Variants in EXOC4 observed in about 807,000 individuals in gnomAD.
EXOC4 encodes exocyst complex component 4, also known as SEC8-like 1.
In EXOC4, 71 loss-of-function variants were observed where a neutral mutation model predicts 107.2. That is an observed-to-expected ratio of 0.66 (90% CI 0.55 to 0.81). EXOC4 has a LOEUF of 0.81. Ranked by LOEUF, EXOC4 falls within the 30% of genes least tolerant of loss-of-function variation. The probability of loss-of-function intolerance (pLI) is 0.00; values close to 1 mark genes in which losing one functional copy is unlikely to be tolerated. For missense variants in EXOC4, 1,108 were observed against 1,189.6 expected (o/e 0.93, Z 1.01); for synonymous variants, 456 against 441.2 (o/e 1.03, Z -0.42).
At chr7:133,532,952 G>T (rs1800207568) in intron 9 of EXOC4, among the ~76,000 whole-genome samples, 1 of 151,914 alleles carries the variant, frequency 6.6e-6, no homozygotes. Context: ...AGATTTCAGG[G>T]TGAAAATTGC....
At chr7:133,535,506 G>C (rs1260048296) in intron 9 of EXOC4, among the ~76,000 whole-genome samples, 1 of 152,148 alleles carries the variant, frequency 6.6e-6, no homozygotes, top group Non-Finnish European at 1.5e-5. Context: ...AGTAATACTG[G>C]AAACACTGTA....
intron 17 of EXOC4, among the ~76,000 whole-genome samples, chr7:134,054,450 C>T (rs775043875): frequency 6.6e-6 from 1 of 152,166 alleles, no homozygotes; most frequent in African/African-American, 2.4e-5. Flanking sequence ...TCCCATAATT[C>T]CAGATTTCCT....
intron 9 of EXOC4, among the ~76,000 whole-genome samples, chr7:133,544,466 T>G (rs973469488): frequency 6.6e-6 from 1 of 152,168 alleles, no homozygotes; most frequent in Non-Finnish European, 1.5e-5. Flanking sequence ...TTTTGGTATC[T>G]TTATTCTGAA....
At chr7:133,527,209 G>T (rs1485075114) in intron 9 of EXOC4, among the ~76,000 whole-genome samples, 1 of 151,826 alleles carries the variant, frequency 6.6e-6, no homozygotes, top group Non-Finnish European at 1.5e-5. Flanking sequence ...TTCGAGTCCA[G>T]CCTGGCCAAC....
At chr7:133,849,076 G>A (rs563744827) in intron 11 of EXOC4, among the ~76,000 whole-genome samples, 8 of 152,274 alleles carry the variant, frequency 5.3e-5, no homozygotes, top group African/African-American at 1.9e-4. Flanking sequence ...GAAATGTACA[G>A]TAGCACACCA....
intron 9 of EXOC4, among the ~76,000 whole-genome samples, chr7:133,624,670 G>T (rs1802412762): frequency 6.6e-6 from 1 of 151,992 alleles, no homozygotes; most frequent in Non-Finnish European, 1.5e-5. Flanking sequence ...TCGGCTCACT[G>T]CAACCTCTGC....
chr7:133,933,893 G>T (rs1008563271), intron 13 of EXOC4, among the ~76,000 whole-genome samples: 3 of 152,148 alleles, frequency 2.0e-5, no homozygotes, highest in Non-Finnish European at 4.4e-5. Context: ...ACGTGAAGTT[G>T]TTTTTTGGAG....
chr7:133,571,812 G>T (rs536886405), intron 9 of EXOC4, among the ~76,000 whole-genome samples: 1 of 152,330 alleles, frequency 6.6e-6, no homozygotes, highest in Admixed American at 6.5e-5. Context: ...ACACTCAGGG[G>T]TCCTGACGTG....
chr7:133,981,861 C>A (rs897628284), intron 14 of EXOC4, among the ~76,000 whole-genome samples: 1 of 152,140 alleles, frequency 6.6e-6, no homozygotes, highest in African/African-American at 2.4e-5. Context: ...CCTAAATGCC[C>A]ATCAATGGCA....
At chr7:133,433,824 G>A (rs71535749) in intron 7 of EXOC4, among the ~76,000 whole-genome samples, 2 of 152,186 alleles carry the variant, frequency 1.3e-5, no homozygotes, top group Non-Finnish European at 2.9e-5. Flanking sequence ...TTACAATTCA[G>A]ATGGGAAGAA....
intron 7 of EXOC4, among the ~76,000 whole-genome samples, chr7:133,471,178 GAGGC>G (rs1798867557): frequency 6.6e-6 from 1 of 152,134 alleles, no homozygotes; most frequent in African/African-American, 2.4e-5. Context: ...TTGGGAGGCT[GAGGC>G]AGGCAGATAA....
intron 15 of EXOC4, among the ~76,000 whole-genome samples, chr7:134,003,255 G>A (rs1794570517): frequency 6.6e-6 from 1 of 152,096 alleles, no homozygotes; most frequent in African/African-American, 2.4e-5. Context: ...ACAACTGTAG[G>A]GGCAGAAAAA....
chr7:133,481,392 C>T (rs1486368173), intron 9 of EXOC4, among the ~76,000 whole-genome samples: 1 of 78 alleles, frequency 0.013, no homozygotes, highest in Non-Finnish European at 0.026. Context: ...AATACTTTTA[C>T]TGTCTTGATG....
intron 14 of EXOC4, among the ~76,000 whole-genome samples, chr7:133,994,629 C>A (rs1468759335): frequency 6.6e-6 from 1 of 152,178 alleles, no homozygotes; most frequent in Non-Finnish European, 1.5e-5. Flanking sequence ...GCTCAAAGTG[C>A]ATGTCTTCAT....
At position 133,910,980 on chromosome 7, in the gene EXOC4, G is replaced by A. The variant is rs566468596; in HGVS notation, c.1872-6603G>A. Among the ~76,000 whole-genome samples, 7 of 152,234 alleles carry A rather than the reference G, an allele frequency of 4.6e-5. No individual in the cohort carries two copies. In the East Asian group the frequency reaches 9.7e-4, roughly 21 times the overall value. Reference sequence around the variant, plus strand: ...TTCCCAACTGTTCCAGAGAGGAAGCGGTACACATCAGAGCCAGGCGACACC... The same window carrying A: ...TTCCCAACTGTTCCAGAGAGGAAGCAGTACACATCAGAGCCAGGCGACACC... On this transcript the variant is annotated intron_variant, in intron 12 of 17. Transcript: ENST00000253861.
intron 9 of EXOC4, chr7:133,484,121 A>G (rs926157019): frequency 2.0e-5 from 33 of 1,611,072 alleles, no homozygotes; most frequent in Non-Finnish European, 2.6e-5. Context: ...AGTTCCTGCC[A>G]ACATTTTCAA....
intron 9 of EXOC4, among the ~76,000 whole-genome samples, chr7:133,628,616 T>C (rs1003805402): frequency 1.3e-5 from 2 of 152,178 alleles, no homozygotes; most frequent in Non-Finnish European, 2.9e-5. Flanking sequence ...ACATCCAAAG[T>C]GATACATCTT....
intron 11 of EXOC4, among the ~76,000 whole-genome samples, chr7:133,845,578 C>G (rs778790085): frequency 1.3e-5 from 2 of 152,006 alleles, no homozygotes; most frequent in South Asian, 2.1e-4. Flanking sequence ...GGTGGGCTTT[C>G]TCCCTGACAG....
chr7:133,545,607 A>G (rs1051403478), intron 9 of EXOC4, among the ~76,000 whole-genome samples: 7 of 152,206 alleles, frequency 4.6e-5, no homozygotes, highest in African/African-American at 1.7e-4. Context: ...TATTTATTAC[A>G]GATTCTCCAG....
Sources: allele counts gnomAD v4.1 joint callset (sites outside exome capture counted in the v4.1 genomes callset), GRCh38; gene constraint gnomAD v4.1.1; transcripts MANE v1.5; gene names NCBI Gene and HGNC (gene_info 2026-07-23, HGNC 2026-07-21).